NBAS: variants seen among roughly 807,000 people sequenced by gnomAD.
NBAS encodes NAG/BC035112 fusion.
Under a neutral mutation model 302.5 loss-of-function variants are expected in NBAS, and 219 were observed. The ratio of observed to expected loss-of-function variants is 0.72; its 90% confidence interval spans 0.65 to 0.81. The LOEUF (loss-of-function observed/expected upper bound fraction) is 0.81, where lower values mean the gene tolerates loss of function less well. Ranked by LOEUF, NBAS falls within the 30% of genes least tolerant of loss-of-function variation. NBAS has a pLI of 0.00. For synonymous variants in NBAS, 1,118 were observed against 1,021.6 expected (o/e 1.09, Z -1.80); for missense variants, 2,932 against 2,841.6 (o/e 1.03, Z -0.72).
chr2:14,833,592 T>C, the NBAS span, among the ~76,000 whole-genome samples: 1 of 152,116 alleles, frequency 6.6e-6, no homozygotes, highest in Non-Finnish European at 1.5e-5. Context: ...TGTATATCTG[T>C]ACCAGATAAA....
chr2:15,229,347 C>CAAAAAAAAAAAAAA (rs61152926), intron 47 of NBAS, among the ~76,000 whole-genome samples: 22 of 76,916 alleles, frequency 2.9e-4, no homozygotes, highest in Non-Finnish European at 4.3e-4. Flanking sequence ...TCTCAAAAAA[C>CAAAAAAAAAAAAAA]AAAAAAAAAA....
the NBAS span, among the ~76,000 whole-genome samples, chr2:15,057,458 T>TG: frequency 6.6e-6 from 1 of 152,076 alleles, no homozygotes; most frequent in Admixed American, 6.5e-5. Context: ...CATAAGTTAT[T>TG]GGGGAACAGG....
intron 9 of NBAS, among the ~76,000 whole-genome samples, chr2:15,533,673 G>GGTGTGTGTGTGTGTGTGT (rs1220581737): frequency 1.5e-5 from 2 of 130,678 alleles, no homozygotes; most frequent in Non-Finnish European, 3.2e-5. Context: ...GACTTCGGGG[G>GGTGTGTGTGTGTGTGTGT]GTGTGCGTGT....
the NBAS span, among the ~76,000 whole-genome samples, chr2:14,828,616 T>A: frequency 6.6e-6 from 1 of 152,004 alleles, no homozygotes; most frequent in African/African-American, 2.4e-5. Context: ...GCAAAAAAAA[T>A]AAATTCTATG....
At chr2:14,857,933 G>C in the NBAS span, among the ~76,000 whole-genome samples, 280 of 151,846 alleles carry the variant, frequency 1.8e-3, no homozygotes, top group Non-Finnish European at 2.8e-3. Context: ...TCTGACAGGG[G>C]ATTAATAACT....
chr2:15,464,668 G>A (rs1169356654), intron 19 of NBAS, among the ~76,000 whole-genome samples: 1 of 152,050 alleles, frequency 6.6e-6, no homozygotes, highest in Non-Finnish European at 1.5e-5. Context: ...CTTCTTGAAA[G>A]GGCTACCCCC....
chr2:15,292,743 C>A lies in NBAS; in HGVS notation c.4821G>T (p.Lys1607Asn). 2 of 1,614,172 alleles carry A rather than the reference C, an allele frequency of 1.2e-6. No homozygotes were observed. Among genetic ancestry groups the A allele is most frequent in the African/African-American group, 1.3e-5 (1 of 75,036 alleles). Residue 1607 changes from lysine (K) to asparagine (N), a missense_variant, in exon 41 of 52, where the codon AAG (lysine) becomes AAT (asparagine). Lys to Asn is a moderately conservative substitution (Grantham distance 94). Coordinates refer to ENST00000281513, the MANE Select transcript of NBAS (RefSeq NM_015909.4). ...LYRADPKELI[K>N]MVTRHVTRHE... The stretch of plus-strand genomic sequence containing the variant: ...GTCGAGTCACATGCCTGGTGACCAT[C>A]TTGATTAGTTCTTTGGGATCAGCCT...
At chr2:15,372,280 A>G (rs915724845) in intron 31 of NBAS, among the ~76,000 whole-genome samples, 1 of 152,178 alleles carries the variant, frequency 6.6e-6, no homozygotes, top group South Asian at 2.1e-4. Context: ...ACACACAAAA[A>G]TATTTCACAG....
At chr2:14,863,987 T>G in the NBAS span, among the ~76,000 whole-genome samples, 5 of 152,170 alleles carry the variant, frequency 3.3e-5, no homozygotes, top group Admixed American at 6.5e-5. Flanking sequence ...AGATTAACAC[T>G]CCAACAGGAT....
chr2:15,551,483 A>G lies in NBAS; in HGVS notation c.379+10T>C, dbSNP rs1664383294. On this transcript the variant is annotated intron_variant, in intron 6 of 51. Coordinates refer to ENST00000281513, the MANE Select transcript of NBAS (RefSeq NM_015909.4). ...AATTTTCATTCTTTAAATATTTTGG[A>G]AACTCTTACCTTGACATTTCCCAAT... is the stretch of plus-strand genomic sequence containing the variant. 6.3e-7 allele frequency: 1 copy of G among 1,597,370 alleles called. No homozygotes were observed. The highest frequency in any genetic ancestry group is 1.7e-4 in the Middle Eastern group (1 of 6,028).
Position 15,461,270 on chromosome 2 carries a change from A to G in NBAS, c.2270T>C (p.Leu757Pro), listed in dbSNP as rs1400332941. The G allele has an allele frequency of 6.2e-7, 1 of 1,613,386 alleles. No individual in the cohort carries two copies. Among genetic ancestry groups the G allele is most frequent in the African/African-American group, 1.3e-5 (1 of 74,882 alleles). ...YHGSDLLPHR[L>P]AILSNFPETT... ...CTCTGGAAAGTTGGACAGAATTGCA[A>G]GGCGATGAGGAAGCAGGTCGGAACC... Residue 757 changes from leucine (L) to proline (P), a missense_variant, in exon 21 of 52, where the codon CTT becomes CCT. By Grantham distance (98) the Leu-to-Pro change is moderately conservative. Transcript: ENST00000281513.
chr2:15,556,893 T>C (rs1664672479), intron 2 of NBAS, 74 bp from the exon 3 acceptor site: 1 of 1,202,276 alleles, frequency 8.3e-7, no homozygotes, highest in African/African-American at 1.5e-5. Flanking sequence ...GATTTATAGA[T>C]GAGAAATCTA....
intron 9 of NBAS, among the ~76,000 whole-genome samples, chr2:15,533,848 G>C (rs150629816): frequency 7.8e-4 from 118 of 152,104 alleles, no homozygotes; most frequent in East Asian, 7.7e-3. Flanking sequence ...GAGATTCCAA[G>C]TTAAGGACTT....
At chr2:15,327,908 C>T (rs1442083967) in intron 37 of NBAS, 38 bp from the exon 38 acceptor site, 11 of 1,611,916 alleles carry the variant, frequency 6.8e-6, no homozygotes, top group Admixed American at 3.3e-5. Flanking sequence ...TAGTAGGGTG[C>T]CTTTTGTCCT....
chr2:15,018,826 C>G, the NBAS span, among the ~76,000 whole-genome samples: 1 of 152,102 alleles, frequency 6.6e-6, no homozygotes, highest in East Asian at 1.9e-4. Flanking sequence ...AAACGCTTTT[C>G]TTTTTCTAAA....
intron 25 of NBAS, among the ~76,000 whole-genome samples, chr2:15,409,590 T>C (rs1335925515): frequency 6.6e-6 from 1 of 152,232 alleles, no homozygotes; most frequent in African/African-American, 2.4e-5. Flanking sequence ...TTATTACAGT[T>C]TCAAATCTAG....
At chr2:15,214,266 T>C (rs1048320502) in intron 48 of NBAS, among the ~76,000 whole-genome samples, 5 of 151,840 alleles carry the variant, frequency 3.3e-5, no homozygotes, top group African/African-American at 1.2e-4. Context: ...ATTTATATCC[T>C]AATGGAAGAA....
At chr2:15,409,293 C>T (rs556727435) in intron 25 of NBAS, among the ~76,000 whole-genome samples, 1 of 152,226 alleles carries the variant, frequency 6.6e-6, no homozygotes, top group Admixed American at 6.5e-5. Context: ...TTTCACTTAT[C>T]CTCCTCAAGA....
the NBAS span, among the ~76,000 whole-genome samples, chr2:14,961,119 C>T: frequency 1.3e-5 from 2 of 152,160 alleles, no homozygotes; most frequent in African/African-American, 4.8e-5. Context: ...TGTGGTATGA[C>T]TGTCAGCTGC....
Sources: gnomAD v4.1 joint callset for allele counts (sites outside exome capture counted in the v4.1 genomes callset) on GRCh38, gnomAD v4.1.1 for gene constraint, MANE v1.5 for transcripts, NCBI Gene and HGNC (gene_info 2026-07-23, HGNC 2026-07-21) for gene names.